CAMK1D: variants seen among roughly 807,000 people sequenced by gnomAD.
CAMK1D encodes calcium/calmodulin dependent protein kinase ID, also known as calcium/calmodulin-dependent protein kinase type 1D.
CAMK1D carries 9 observed loss-of-function variants against 47.7 expected under a neutral mutation model. The ratio of observed to expected loss-of-function variants is 0.19; its 90% confidence interval spans 0.11 to 0.33. CAMK1D has a LOEUF of 0.33. Ranked by LOEUF, CAMK1D falls within the 10% of genes least tolerant of loss-of-function variation. The pLI is 1.00. For missense variants in CAMK1D, 291 were observed against 488.7 expected, an observed-to-expected ratio of 0.60 and a Z score of 3.81; for synonymous variants, 184 against 184.9, an observed-to-expected ratio of 0.99 and a Z score of 0.04.
At chr10:12,608,156 C>T (rs1249878129) in intron 2 of CAMK1D, among the ~76,000 whole-genome samples, 4 of 152,158 alleles carry the variant, frequency 2.6e-5, no homozygotes, top group East Asian at 1.9e-4. Context: ...TGGTGGCTCG[C>T]GCCTGTAATC....
At chr10:12,760,631 A>C in intron 3 of CAMK1D, 1 of 218,128 alleles carries the variant, frequency 4.6e-6, no homozygotes, top group Non-Finnish European at 9.4e-6. Context: ...GTATCCGAGG[A>C]CGCTGGTATT....
intron 1 of CAMK1D, among the ~76,000 whole-genome samples, chr10:12,512,911 G>A (rs1835083313): frequency 6.6e-6 from 1 of 152,180 alleles, no homozygotes; most frequent in South Asian, 2.1e-4. Context: ...GGACCGGAGC[G>A]AGCATACTTT....
chr10:12,440,593 C>G (rs1334808398), intron 1 of CAMK1D, among the ~76,000 whole-genome samples: 2 of 151,976 alleles, frequency 1.3e-5, no homozygotes, highest in Non-Finnish European at 2.9e-5. Context: ...CAGCCAGATA[C>G]CTGTTTTTTT....
chr10:12,651,761 T>C (rs7922799), intron 2 of CAMK1D, among the ~76,000 whole-genome samples: 11,878 of 151,642 alleles, frequency 0.078, 510 homozygotes, highest in South Asian at 0.18. Flanking sequence ...ACAAAGGAGC[T>C]CATTACCATC....
chr10:12,353,062 TC>T (rs1221268706), intron 1 of CAMK1D, among the ~76,000 whole-genome samples: 2 of 152,094 alleles, frequency 1.3e-5, no homozygotes, highest in Non-Finnish European at 2.9e-5. Context: ...CTAGAAGTGG[TC>T]CCCAGTTCAA....
At chr10:12,822,808 G>A (rs991616340) in intron 8 of CAMK1D, among the ~76,000 whole-genome samples, 1 of 152,108 alleles carries the variant, frequency 6.6e-6, no homozygotes, top group Non-Finnish European at 1.5e-5. Flanking sequence ...CATCCTCTTT[G>A]TCTTGTTACT....
At chr10:12,801,838 A>G (rs961914371) in intron 6 of CAMK1D, among the ~76,000 whole-genome samples, 1 of 152,334 alleles carries the variant, frequency 6.6e-6, no homozygotes, top group Non-Finnish European at 1.5e-5. Flanking sequence ...GGGTGTTGTT[A>G]TCCCCATTCA....
intron 1 of CAMK1D, among the ~76,000 whole-genome samples, chr10:12,380,101 G>C (rs113522631): frequency 0.14 from 21,815 of 151,958 alleles, 1,804 homozygotes; most frequent in Middle Eastern, 0.26. Context: ...TGTAGTCCCT[G>C]CTACTCGGGA....
At position 12,686,347 on chromosome 10, in the gene CAMK1D, G is replaced by GT. The variant is rs1832665591; in HGVS notation, c.299+19540dup. 2.0e-5 allele frequency among the ~76,000 whole-genome samples: 3 copies of GT among 151,986 alleles called. No homozygotes were observed. The South Asian group carries it at 6.2e-4, about 32-fold the overall frequency. On this transcript the variant is annotated intron_variant, in intron 3 of 10. Transcript: ENST00000619168. ...TTTATTTATTTTTTTTGGAGATGGA[G>GT]TTTCGCTCCTGTTGCCCAGACTAGA...
chr10:12,477,683 A>G (rs1401486164), intron 1 of CAMK1D, among the ~76,000 whole-genome samples: 2 of 152,186 alleles, frequency 1.3e-5, no homozygotes, highest in Middle Eastern at 3.2e-3. Flanking sequence ...AGGGAGGGGC[A>G]GGGTGTTCAG....
chr10:12,825,496 T>A, intron 9 of CAMK1D, 77 bp from the exon 10 acceptor site: 1 of 1,407,704 alleles, frequency 7.1e-7, no homozygotes, highest in Non-Finnish European at 9.8e-7. Context: ...GCTAATGTGA[T>A]AAACAAGAGA....
At chr10:12,754,015 C>T (rs1171015650) in intron 3 of CAMK1D, among the ~76,000 whole-genome samples, 4 of 152,116 alleles carry the variant, frequency 2.6e-5, no homozygotes, top group African/African-American at 9.7e-5. Flanking sequence ...CTCAGCCTCC[C>T]GAGTAGCTGG....
intron 3 of CAMK1D, among the ~76,000 whole-genome samples, chr10:12,753,031 G>C (rs941579330): frequency 6.6e-6 from 1 of 152,118 alleles, no homozygotes; most frequent in African/African-American, 2.4e-5. Flanking sequence ...GGATCACAAG[G>C]TCAGGAGATT....
intron 2 of CAMK1D, among the ~76,000 whole-genome samples, chr10:12,641,906 G>A (rs1408450300): frequency 2.0e-5 from 3 of 152,038 alleles, no homozygotes; most frequent in African/African-American, 4.8e-5. Flanking sequence ...TTAGCAGGGC[G>A]TGGTGGAGGG....
intron 3 of CAMK1D, among the ~76,000 whole-genome samples, chr10:12,669,672 A>T (rs376497568): frequency 1.3e-4 from 20 of 152,100 alleles, no homozygotes; most frequent in Admixed American, 7.2e-4. Context: ...GACCCCTTCG[A>T]CCCCTTCAAA....
intron 1 of CAMK1D, among the ~76,000 whole-genome samples, chr10:12,453,739 C>T (rs1833158465): frequency 6.6e-6 from 1 of 152,206 alleles, no homozygotes. Flanking sequence ...ACCTGAACTG[C>T]TGGTTATCCA....
At chr10:12,707,074 G>C (rs574192587) in intron 3 of CAMK1D, among the ~76,000 whole-genome samples, 3 of 152,300 alleles carry the variant, frequency 2.0e-5, no homozygotes, top group African/African-American at 7.2e-5. Flanking sequence ...TTTTCCAGCT[G>C]GAGAGAGATA....
intron 2 of CAMK1D, among the ~76,000 whole-genome samples, chr10:12,618,385 C>T (rs1310555154): frequency 6.6e-6 from 1 of 152,240 alleles, no homozygotes; most frequent in East Asian, 1.9e-4. Context: ...GTCCGTGCTA[C>T]TTACTCTGTT....
intron 1 of CAMK1D, among the ~76,000 whole-genome samples, chr10:12,417,099 T>C (rs1839877855): frequency 1.3e-5 from 2 of 152,204 alleles, no homozygotes; most frequent in South Asian, 4.1e-4. Context: ...TGGCAGTACT[T>C]GTCTCTCATA....
Sources: allele counts gnomAD v4.1 joint callset (sites outside exome capture counted in the v4.1 genomes callset), GRCh38; gene constraint gnomAD v4.1.1; transcripts MANE v1.5; gene names NCBI Gene and HGNC (gene_info 2026-07-23, HGNC 2026-07-21).